RAP1GAP: variants seen among roughly 807,000 people sequenced by gnomAD.
RAP1GAP encodes RAP1 GTPase activating protein, also known as rap1 GTPase-activating protein 1.
A neutral mutation model predicts 87.2 loss-of-function variants in RAP1GAP; 35 were observed. The observed-to-expected ratio is 0.40, with a 90% CI of 0.31 to 0.53. The LOEUF (loss-of-function observed/expected upper bound fraction) is 0.53, where lower values mean the gene tolerates loss of function less well. RAP1GAP is among the 20% of genes least tolerant of loss of function. The pLI, the probability that RAP1GAP is intolerant of heterozygous loss-of-function variation, is 0.48. For missense variants in RAP1GAP, 734 were observed against 898.9 expected, an observed-to-expected ratio of 0.82 and a Z score of 2.35; for synonymous variants, 375 against 363.9, an observed-to-expected ratio of 1.03 and a Z score of -0.35.
At position 21,668,490 on chromosome 1, in the gene RAP1GAP, G is replaced by C. The variant is rs1292911668; in HGVS notation, c.-149+764C>G. Reference sequence around the variant, plus strand: ...GCATGCACAGGCTGGGGTCTGTTATGGTAGGGAGGGGGCCGCTCACCTCCG... The same window carrying C: ...GCATGCACAGGCTGGGGTCTGTTATCGTAGGGAGGGGGCCGCTCACCTCCG... On this transcript the variant is annotated intron_variant, in intron 1 of 24. Coordinates refer to ENST00000374765, the MANE Select transcript of RAP1GAP (RefSeq NM_002885.4). The surrounding 1 kb of genome is among the most constrained non-coding windows in gnomAD (Gnocchi z 6.2). 7.2e-5 allele frequency: 11 copies of C among 152,614 alleles called. No individual in the cohort carries two copies. Among genetic ancestry groups the C allele is most frequent in the Admixed American group, 7.2e-4 (11 of 15,288 alleles). The allele number at this position is 152,614 out of a possible 1,614,324, so 9.5% of individuals were successfully genotyped here.
intron 3 of RAP1GAP, among the ~76,000 whole-genome samples, chr1:21,623,472 G>A (rs1026198539): frequency 6.6e-6 from 1 of 152,252 alleles, no homozygotes; most frequent in Non-Finnish European, 1.5e-5. Flanking sequence ...TGGCCAAGCA[G>A]ACACAGCTGC....
intron 18 of RAP1GAP, among the ~76,000 whole-genome samples, chr1:21,604,801 G>A (rs191517546): frequency 9.9e-5 from 15 of 151,140 alleles, no homozygotes; most frequent in African/African-American, 3.6e-4. Flanking sequence ...GGATGGATCG[G>A]TGGGTGGGTG....
rs1482698175 is a variant in RAP1GAP, at chr1:21,669,279, T to C, written c.-174A>G. ...CCAAGGGCCTGGGCCGGGGGCGTCC[T>C]GGGCTCGGCACTCTGGTGCCCGCGG... is the stretch of plus-strand genomic sequence containing the variant. On this transcript the variant is annotated 5_prime_UTR_variant, in exon 1 of 25. Coordinates refer to ENST00000374765, the MANE Select transcript of RAP1GAP (RefSeq NM_002885.4). This position sits in a 1 kb window ranked among gnomAD's most constrained non-coding sequence, Gnocchi z 5.6. 1 of 1,208,698 alleles carries C rather than the reference T, an allele frequency of 8.3e-7. No homozygotes were observed. Among genetic ancestry groups the C allele is most frequent in the South Asian group, 1.4e-5 (1 of 70,320 alleles). The allele number at this position is 1,208,698 out of a possible 1,614,324, so 74.9% of individuals were successfully genotyped here.
chr1:21,652,766 C>T (rs924489738), intron 1 of RAP1GAP, among the ~76,000 whole-genome samples: 1 of 152,184 alleles, frequency 6.6e-6, no homozygotes. Flanking sequence ...CTGTTTCCCC[C>T]ACCCAAGTGG....
Position 21,598,064 on chromosome 1 carries a change from C to A in RAP1GAP, c.1880G>T (p.Gly627Val). The A allele has an allele frequency of 6.5e-7, 1 of 1,542,228 alleles. No homozygotes were observed. The highest frequency in any genetic ancestry group is 8.8e-7 in the Non-Finnish European group (1 of 1,140,532). ...GTCTGGGTGGGGTGATCGAGAGGGG[C>A]CTGGGGAGGGGGGCAGGAGGGAGCC... ...VSTTSGGSSP[G>V]PSRSPHPDAG... The change falls in exon 23 of 25, where the codon GGC (glycine) becomes GTC (valine). Residue 627 changes from glycine to valine, a missense_variant and splice_region_variant. Gly to Val is a moderately radical substitution (Grantham distance 109, BLOSUM62 -3). Transcript: ENST00000374765.
At chr1:21,619,946 C>A in intron 4 of RAP1GAP, 69 bp downstream of exon 4, 2 of 1,533,976 alleles carry the variant, frequency 1.3e-6, no homozygotes. Flanking sequence ...GGAGATGCAG[C>A]AAGGGCCCCC....
chr1:21,606,300 T>C, intron 17 of RAP1GAP, 103 bp from the exon 18 acceptor site: 1 of 1,456,886 alleles, frequency 6.9e-7, no homozygotes, highest in East Asian at 2.5e-5. Flanking sequence ...GCAATGCCAC[T>C]CTGGGTAAGC....
At chr1:21,606,402 C>T (rs1370410187) in intron 17 of RAP1GAP, among the ~76,000 whole-genome samples, 1 of 152,202 alleles carries the variant, frequency 6.6e-6, no homozygotes, top group Non-Finnish European at 1.5e-5. Flanking sequence ...ACATGAGAAG[C>T]AGGTACATAC....
At chr1:21,610,389 T>C (rs1459299040) in intron 13 of RAP1GAP, 114 bp from the exon 14 acceptor site, 1 of 1,119,736 alleles carries the variant, frequency 8.9e-7, no homozygotes, top group Non-Finnish European at 1.3e-6. Context: ...ATCTAAGGAT[T>C]TGCTTTCCCC....
intron 2 of RAP1GAP, among the ~76,000 whole-genome samples, chr1:21,649,105 C>A (rs534917485): frequency 1.3e-5 from 2 of 152,302 alleles, no homozygotes; most frequent in South Asian, 4.1e-4. Context: ...GAGGCACCTG[C>A]CTGCTGGGGC....
At chr1:21,636,528 AG>A (rs1191902460) in intron 2 of RAP1GAP, among the ~76,000 whole-genome samples, 1 of 152,136 alleles carries the variant, frequency 6.6e-6, no homozygotes, top group African/African-American at 2.4e-5. Context: ...CAACCTAGGC[AG>A]GGCATGGTGG....
intron 1 of RAP1GAP, among the ~76,000 whole-genome samples, chr1:21,666,908 C>T (rs1485753453): frequency 6.6e-6 from 1 of 152,158 alleles, no homozygotes; most frequent in Non-Finnish European, 1.5e-5. Context: ...TGACAACCTC[C>T]GTCTCTCTGT....
rs2079728697 is a variant in RAP1GAP, at chr1:21,613,432, A to G, written c.474+196T>C. Among the ~76,000 whole-genome samples the G allele has an allele frequency of 6.6e-6, 1 of 152,198 alleles. No individual in the cohort carries two copies. The highest frequency in any genetic ancestry group is 1.5e-5 in the Non-Finnish European group (1 of 68,034). On this transcript the variant is annotated intron_variant, in intron 9 of 24. Coordinates refer to ENST00000374765, the MANE Select transcript of RAP1GAP (RefSeq NM_002885.4). This position sits in a 1 kb window ranked among gnomAD's most constrained non-coding sequence, Gnocchi z 4.7. Reference sequence around the variant, plus strand: ...GCTATAGAGAAAACCAAAAGCACACAGGCAGGGGACGGGGGCCTAGGAGAA... The same window carrying G: ...GCTATAGAGAAAACCAAAAGCACACGGGCAGGGGACGGGGGCCTAGGAGAA...
chr1:21,628,041 T>C (rs2092776398), intron 2 of RAP1GAP, among the ~76,000 whole-genome samples: 1 of 152,170 alleles, frequency 6.6e-6, no homozygotes, highest in Non-Finnish European at 1.5e-5. Flanking sequence ...GGGAATTCAC[T>C]CAATGAAAAC....
intron 2 of RAP1GAP, among the ~76,000 whole-genome samples, chr1:21,630,779 A>G (rs2093585133): frequency 6.6e-6 from 1 of 151,776 alleles, no homozygotes; most frequent in Non-Finnish European, 1.5e-5. Context: ...CTGGTCTGGA[A>G]CTCCTGGCCT....
At chr1:21,651,901 C>G (rs1355693557) in intron 1 of RAP1GAP, 31 of 979,728 alleles carry the variant, frequency 3.2e-5, no homozygotes, top group Non-Finnish European at 3.6e-5. Context: ...GGCAACGCGG[C>G]CGCCCCGCCC....
Position 21,609,690 on chromosome 1 carries a change from T to A in RAP1GAP, c.1000-44A>T. The A allele has an allele frequency of 7.0e-7, 1 of 1,432,982 alleles. No homozygotes were observed. The highest frequency in any genetic ancestry group is 9.4e-7 in the Non-Finnish European group (1 of 1,067,162). 88.8% of individuals were successfully genotyped at this position (1,432,982 alleles called of 1,614,324 possible). ...GTCTGTTCCTGTGGAGCCTGGGGTCTGCTCTGCCCCACCCAGCCAGAAACC... is the reference window on the plus strand; with the variant it reads ...GTCTGTTCCTGTGGAGCCTGGGGTCAGCTCTGCCCCACCCAGCCAGAAACC... On this transcript the variant is annotated intron_variant, in intron 14 of 24. Transcript: ENST00000374765. The surrounding 1 kb of genome is among the most constrained non-coding windows in gnomAD (Gnocchi z 4.4).
At chr1:21,620,420 G>A (rs1354511635) in intron 3 of RAP1GAP, among the ~76,000 whole-genome samples, 8 of 152,200 alleles carry the variant, frequency 5.3e-5, no homozygotes, top group African/African-American at 1.2e-4. Flanking sequence ...CACCTCTCCC[G>A]GAAGGGGGCA....
Position 21,613,916 on chromosome 1 carries a change from A to G in RAP1GAP, c.395+70T>C. The stretch of plus-strand genomic sequence containing the variant: ...GGCCTTGATGAAGAGAGTGGGTCAA[A>G]TGAGATGGGCTCTGAGATTGTAAGA... On this transcript the variant is annotated intron_variant, in intron 8 of 24. Transcript: ENST00000374765. This position sits in a 1 kb window ranked among gnomAD's most constrained non-coding sequence, Gnocchi z 4.7. 7.4e-7 allele frequency: 1 copy of G among 1,354,512 alleles called. No individual in the cohort carries two copies. The highest frequency in any genetic ancestry group is 1.0e-6 in the Non-Finnish European group (1 of 970,840). The allele number at this position is 1,354,512 out of a possible 1,614,324, so 83.9% of individuals were successfully genotyped here. A position where few individuals can be genotyped will look rare whatever the true frequency, so the allele number is the denominator to read the frequency against.
Sources: gnomAD v4.1 joint callset for allele counts (sites outside exome capture counted in the v4.1 genomes callset) on GRCh38, gnomAD v4.1.1 for gene constraint, Gnocchi (gnomAD v3.1) non-coding constraint, MANE v1.5 for transcripts, NCBI Gene and HGNC (gene_info 2026-07-23, HGNC 2026-07-21) for gene names.